MIR17HG: variants seen among roughly 807,000 people sequenced by gnomAD.
MIR17HG encodes the protein miR-17-92a-1 cluster host gene.
At chr13:91,354,347 A>G (rs1166961179) in exon 4 of MIR17HG, 2 of 152,200 alleles carry the variant, frequency 1.3e-5, no homozygotes, top group Non-Finnish European at 2.9e-5. Flanking sequence ...AGGAAAATGC[A>G]CATATTCCAT....
chr13:91,352,654 T>C (rs966612701), intron 3 of MIR17HG, among the ~76,000 whole-genome samples: 2 of 152,150 alleles, frequency 1.3e-5, no homozygotes, highest in African/African-American at 2.4e-5. Context: ...CATTCTGGAG[T>C]TGATGAAAAC....
At chr13:91,354,050 GT>G (rs1303867062) in exon 4 of MIR17HG, 6 of 152,540 alleles carry the variant, frequency 3.9e-5, no homozygotes, top group Non-Finnish European at 8.8e-5. Flanking sequence ...TCACATTAAA[GT>G]TTATTATGTA....
intron 2 of MIR17HG, chr13:91,350,011 A>G (rs1875213426): frequency 1.3e-5 from 2 of 152,882 alleles, no homozygotes; most frequent in African/African-American, 2.4e-5. Context: ...ACGAAATATA[A>G]TTTTAGACCC....
chr13:91,349,458 C>T (rs2138689827), intron 1 of MIR17HG, among the ~76,000 whole-genome samples: 1 of 151,878 alleles, frequency 6.6e-6, no homozygotes, highest in Middle Eastern at 3.4e-3. Context: ...ATTTTAGGAG[C>T]TTATTTAGAC....
Position 91,348,907 on chromosome 13 carries a change from C to T in MIR17HG, n.141-791C>T, listed in dbSNP as rs1425969254. On this transcript the variant is annotated intron_variant and non_coding_transcript_variant, in intron 1 of 3. Coordinates refer to ENST00000400282, the Ensembl canonical transcript of MIR17HG. ...GGCACCGCGGCCGCGGAGCCCCCGC[C>T]CCTCTGGGCCGGGCTCGGGGGGGCT... Among the ~76,000 whole-genome samples, 18 of 149,276 alleles carry T rather than the reference C, an allele frequency of 1.2e-4. No homozygotes were observed. The East Asian group carries it at 3.1e-3, about 26-fold the overall frequency.
intron 3 of MIR17HG, chr13:91,351,028 G>A (rs777812793): frequency 3.8e-6 from 2 of 527,824 alleles, no homozygotes. Context: ...TTGTGTCGAT[G>A]TAGAATCTGC....
At chr13:91,348,240 C>T (rs867676532) in intron 1 of MIR17HG, among the ~76,000 whole-genome samples, 2 of 149,692 alleles carry the variant, frequency 1.3e-5, no homozygotes, top group Admixed American at 6.6e-5. Context: ...CGCGCAGACC[C>T]TGCCTGGGCC....
chr13:91,352,759 C>T (rs1471475937), intron 3 of MIR17HG, among the ~76,000 whole-genome samples: 2 of 152,032 alleles, frequency 1.3e-5, no homozygotes, highest in Non-Finnish European at 2.9e-5. Context: ...TTGAAGGAGA[C>T]CTAATAATTG....
intron 1 of MIR17HG, among the ~76,000 whole-genome samples, chr13:91,348,529 T>C (rs1238773433): frequency 6.6e-6 from 1 of 150,922 alleles, no homozygotes; most frequent in African/African-American, 2.4e-5. Flanking sequence ...CCCCAAACTT[T>C]GTACGCGCGA....
exon 2 of MIR17HG, chr13:91,349,738 A>T (rs1176655732): frequency 6.6e-6 from 1 of 152,186 alleles, no homozygotes; most frequent in Non-Finnish European, 1.5e-5. Flanking sequence ...CTTTTCTGAG[A>T]ATACTTGCTG....
chr13:91,351,452 G>C (rs1257290133), intron 3 of MIR17HG: 1 of 495,254 alleles, frequency 2.0e-6, no homozygotes, highest in Non-Finnish European at 4.4e-6. Flanking sequence ...GACTTCCACT[G>C]TTAAATGTAC....
chr13:91,353,831 A>G (rs1374186168), intron 3 of MIR17HG: 1 of 146,368 alleles, frequency 6.8e-6, no homozygotes, highest in Non-Finnish European at 1.5e-5. Context: ...TTTTTAGCCT[A>G]TATTTGGAAA....
intron 3 of MIR17HG, chr13:91,352,422 GAT>G (rs1491559255): frequency 1.3e-5 from 2 of 152,168 alleles, no homozygotes; most frequent in African/African-American, 4.8e-5. Flanking sequence ...ATGTTTGAAA[GAT>G]AAGTTTTGAG....
At chr13:91,353,015 C>G (rs1234224226) in intron 3 of MIR17HG, among the ~76,000 whole-genome samples, 1 of 145,746 alleles carries the variant, frequency 6.9e-6, no homozygotes, top group African/African-American at 2.6e-5. Context: ...GAGGCTGAGG[C>G]AGGAGAATCA....
At chr13:91,353,558 A>G (rs949499345) in intron 3 of MIR17HG, among the ~76,000 whole-genome samples, 1 of 152,238 alleles carries the variant, frequency 6.6e-6, no homozygotes, top group Non-Finnish European at 1.5e-5. Context: ...ACAAAAAGCC[A>G]TGTAAGTATT....
chr13:91,348,980 G>A (rs976054812), intron 1 of MIR17HG, among the ~76,000 whole-genome samples: 1 of 150,456 alleles, frequency 6.6e-6, no homozygotes, highest in Non-Finnish European at 1.5e-5. Context: ...GCCGCACTCG[G>A]GCCTCGGCGC....
intron 1 of MIR17HG, chr13:91,348,109 C>T (rs1875054647): frequency 7.9e-6 from 1 of 126,666 alleles, no homozygotes; most frequent in Non-Finnish European, 1.6e-5. Flanking sequence ...GTTGGCCGCC[C>T]CGGCGTGTGG....
intron 1 of MIR17HG, among the ~76,000 whole-genome samples, chr13:91,348,273 C>A (rs1474635662): frequency 6.7e-6 from 1 of 150,324 alleles, no homozygotes; most frequent in Non-Finnish European, 1.5e-5. Context: ...GGTGGGCGGA[C>A]GGCGAACACA....
At chr13:91,348,456 G>T (rs1875082147) in intron 1 of MIR17HG, among the ~76,000 whole-genome samples, 1 of 150,950 alleles carries the variant, frequency 6.6e-6, no homozygotes, top group African/African-American at 2.4e-5. Context: ...GGCCGGGAGG[G>T]GGCGCGCCCA....
Sources: gnomAD v4.1 joint callset for allele counts (sites outside exome capture counted in the v4.1 genomes callset) on GRCh38, gnomAD v4.1.1 for gene constraint, MANE v1.5 for transcripts, NCBI Gene and HGNC (gene_info 2026-07-23, HGNC 2026-07-21) for gene names.